The following HSDL2 variants were observed in gnomAD, a reference collection of about 807,000 sequenced individuals.
The protein encoded by HSDL2 is hydroxysteroid dehydrogenase-like protein 2.
A neutral mutation model predicts 46.3 loss-of-function variants in HSDL2; 27 were observed. The ratio of observed to expected loss-of-function variants is 0.58; its 90% CI spans 0.43 to 0.80. The LOEUF is 0.80. Among genes scored for constraint, HSDL2 ranks in the 30% least tolerant of loss-of-function variants. HSDL2 has a pLI of 0.00. For missense variants in HSDL2, 451 were observed against 502.7 expected, an observed-to-expected ratio of 0.90 and a Z score of 0.98; for synonymous variants, 153 against 163.6, an observed-to-expected ratio of 0.94 and a Z score of 0.50.
intron 7 of HSDL2, among the ~76,000 whole-genome samples, chr9:112,440,181 T>C (rs538349909): frequency 3.7e-4 from 57 of 152,060 alleles, no homozygotes; most frequent in Non-Finnish European, 6.5e-4. Flanking sequence ...GTGCGCAAGT[T>C]TTAAAATTTT....
chr9:112,436,986 G>A (rs1203163290), intron 6 of HSDL2, among the ~76,000 whole-genome samples: 1 of 133,206 alleles, frequency 7.5e-6, no homozygotes, highest in Admixed American at 8.1e-5. Flanking sequence ...TTGAGACGGA[G>A]TCTCGCTCTG....
At chr9:112,419,214 G>T (rs1262217902) in intron 6 of HSDL2, among the ~76,000 whole-genome samples, 1 of 151,938 alleles carries the variant, frequency 6.6e-6, no homozygotes, top group African/African-American at 2.4e-5. Flanking sequence ...TCACCATGTT[G>T]GCCAGGCTGG....
At chr9:112,467,406 A>G (rs1235239159) in intron 10 of HSDL2, among the ~76,000 whole-genome samples, 1 of 152,170 alleles carries the variant, frequency 6.6e-6, no homozygotes, top group East Asian at 1.9e-4. Flanking sequence ...GTCTGGAGGC[A>G]GGGGGAGCTG....
At chr9:112,442,631 A>T (rs73537873) in intron 8 of HSDL2, among the ~76,000 whole-genome samples, 4,184 of 152,232 alleles carry the variant, frequency 0.027, 110 homozygotes, top group Admixed American at 0.069. Flanking sequence ...TTGAAGAAAC[A>T]CTTTAATGAA....
intron 1 of HSDL2, among the ~76,000 whole-genome samples, chr9:112,386,902 GTATATTCT>G (rs1474116783): frequency 6.6e-6 from 1 of 152,166 alleles, no homozygotes; most frequent in Non-Finnish European, 1.5e-5. Context: ...GACATATGAT[GTATATTCT>G]TCAGCAAATA....
intron 6 of HSDL2, among the ~76,000 whole-genome samples, chr9:112,425,174 T>C (rs1453102439): frequency 6.6e-6 from 1 of 152,122 alleles, no homozygotes; most frequent in Non-Finnish European, 1.5e-5. Flanking sequence ...CTTGCATCCT[T>C]TCTACTACTT....
intron 4 of HSDL2, among the ~76,000 whole-genome samples, chr9:112,411,871 T>C (rs1040285517): frequency 1.3e-5 from 2 of 152,232 alleles, no homozygotes; most frequent in African/African-American, 4.8e-5. Context: ...ATGTTAAGTA[T>C]TTGTTTAAAC....
intron 4 of HSDL2, among the ~76,000 whole-genome samples, chr9:112,409,906 A>C (rs1831821222): frequency 6.6e-6 from 1 of 152,030 alleles, no homozygotes; most frequent in Non-Finnish European, 1.5e-5. Flanking sequence ...AAATATTTGC[A>C]TGTGTAAATA....
At chr9:112,431,650 G>A (rs1362362633) in intron 6 of HSDL2, among the ~76,000 whole-genome samples, 1 of 152,110 alleles carries the variant, frequency 6.6e-6, no homozygotes, top group African/African-American at 2.4e-5. Flanking sequence ...CATAGTGAGT[G>A]AGTTCTCATC....
intron 1 of HSDL2, among the ~76,000 whole-genome samples, chr9:112,397,625 G>A (rs111846086): frequency 0.013 from 2,002 of 152,158 alleles, 75 homozygotes; most frequent in East Asian, 0.1. Flanking sequence ...AGTAATTATC[G>A]GAGCCTGTGA....
At chr9:112,445,582 T>G (rs1258400558) in intron 8 of HSDL2, among the ~76,000 whole-genome samples, 1 of 152,170 alleles carries the variant, frequency 6.6e-6, no homozygotes, top group Non-Finnish European at 1.5e-5. Context: ...TGGAATGCAG[T>G]GGCATGATCT....
At position 112,396,789 on chromosome 9, in the gene HSDL2, C is replaced by T. The variant is rs181184605; in HGVS notation, c.18-7206C>T. On this transcript the variant is annotated intron_variant, in intron 1 of 10. Coordinates refer to ENST00000398805, the MANE Select transcript of HSDL2 (RefSeq NM_032303.5). ...ATGGTACTACAGAGATTGACCACCC[C>T]GCCCCCTACTGTGGAGGTAGACAAG... 1.7e-3 allele frequency among the ~76,000 whole-genome samples: 262 copies of T among 152,236 alleles called. 2 individuals are homozygous for T. Among genetic ancestry groups the T allele is most frequent in the African/African-American group, 6.2e-3 (257 of 41,542 alleles).
chr9:112,432,252 A>G (rs942941016), intron 6 of HSDL2, among the ~76,000 whole-genome samples: 1 of 152,166 alleles, frequency 6.6e-6, no homozygotes, highest in African/African-American at 2.4e-5. Context: ...GATTATGCTG[A>G]TAGTTCTTAC....
chr9:112,423,150 A>G (rs995743335), intron 6 of HSDL2, among the ~76,000 whole-genome samples: 6 of 152,220 alleles, frequency 3.9e-5, no homozygotes, highest in African/African-American at 1.2e-4. Context: ...TAGTACATTT[A>G]ATATATGGTC....
At chr9:112,438,203 A>G (rs2132670327) in intron 6 of HSDL2, among the ~76,000 whole-genome samples, 1 of 152,332 alleles carries the variant, frequency 6.6e-6, no homozygotes, top group East Asian at 1.9e-4. Context: ...ACGCCATTGC[A>G]CCCCAGCCTG....
intron 6 of HSDL2, among the ~76,000 whole-genome samples, chr9:112,429,385 G>T (rs1191840228): frequency 6.6e-6 from 1 of 152,218 alleles, no homozygotes; most frequent in Admixed American, 6.5e-5. Flanking sequence ...ACCATTTAGT[G>T]TGGGAGATTT....
intron 9 of HSDL2, among the ~76,000 whole-genome samples, chr9:112,458,835 G>C (rs1833111633): frequency 6.6e-6 from 1 of 151,576 alleles, no homozygotes; most frequent in Non-Finnish European, 1.5e-5. Context: ...CAAAAAATTA[G>C]CTGGGTGTGG....
At position 112,437,958 on chromosome 9, in the gene HSDL2, A is replaced by C. The variant is rs1173390901; in HGVS notation, c.599-473A>C. Among the ~76,000 whole-genome samples the C allele has an allele frequency of 2.0e-5, 3 of 152,310 alleles. 1 individual carries two copies. In the South Asian group the frequency reaches 6.2e-4, roughly 32 times the overall value. ...AGTTCTCTCCGTAGAACATTTGGTA[A>C]ATCCTGGGGCCAGGCGTGGTGGCTC... On this transcript the variant is annotated intron_variant, in intron 6 of 10. Coordinates refer to ENST00000398805, the MANE Select transcript of HSDL2 (RefSeq NM_032303.5).
intron 7 of HSDL2, among the ~76,000 whole-genome samples, chr9:112,440,174 C>T (rs577710440): frequency 9.9e-5 from 15 of 151,986 alleles, no homozygotes; most frequent in Non-Finnish European, 1.6e-4. Flanking sequence ...TGTAATTGTG[C>T]GCAAGTTTTA....
Sources: gnomAD v4.1 joint callset for allele counts (sites outside exome capture counted in the v4.1 genomes callset) on GRCh38, gnomAD v4.1.1 for gene constraint, MANE v1.5 for transcripts, NCBI Gene and HGNC (gene_info 2026-07-23, HGNC 2026-07-21) for gene names.